FAT4: variants seen among roughly 807,000 people sequenced by gnomAD.
FAT4 encodes the protein FAT atypical cadherin 4, also known as protocadherin Fat 4.
In FAT4, 84 loss-of-function variants were observed where a neutral mutation model predicts 303.9. The observed-to-expected ratio is 0.28, with a 90% CI of 0.23 to 0.33. The LOEUF (loss-of-function observed/expected upper bound fraction) is 0.33. Among genes scored for constraint, FAT4 ranks in the 10% least tolerant of loss-of-function variants. The pLI is 1.00. For synonymous variants in FAT4, 2,307 were observed against 2,298.8 expected, an observed-to-expected ratio of 1.00 and a Z score of -0.10; for missense variants, 6,005 against 6,146.8, an observed-to-expected ratio of 0.98 and a Z score of 0.77.
At chr4:125,324,041 G>C (rs1284193418) in intron 2 of FAT4, among the ~76,000 whole-genome samples, 3 of 152,124 alleles carry the variant, frequency 2.0e-5, no homozygotes, top group Non-Finnish European at 4.4e-5. Context: ...GATGTGTCCA[G>C]TTATACACCT....
intron 3 of FAT4, among the ~76,000 whole-genome samples, chr4:125,400,146 A>G (rs564551629): frequency 1.3e-5 from 2 of 152,108 alleles, no homozygotes; most frequent in African/African-American, 4.8e-5. Flanking sequence ...CTCTAAGAAT[A>G]GAGCAAATAA....
At chr4:125,345,231 T>C (rs1055343161) in intron 2 of FAT4, among the ~76,000 whole-genome samples, 1 of 152,098 alleles carries the variant, frequency 6.6e-6, no homozygotes, top group Non-Finnish European at 1.5e-5. Flanking sequence ...TCCTCCAACT[T>C]AATCACTGCA....
chr4:125,424,015 T>C (rs1031531647), intron 7 of FAT4, among the ~76,000 whole-genome samples: 1 of 152,240 alleles, frequency 6.6e-6, no homozygotes, highest in Non-Finnish European at 1.5e-5. Context: ...TACAGGCTCA[T>C]AGGTGGAAGG....
intron 11 of FAT4, among the ~76,000 whole-genome samples, chr4:125,465,232 C>A (rs987845399): frequency 2.0e-5 from 3 of 152,060 alleles, no homozygotes; most frequent in Non-Finnish European, 4.4e-5. Context: ...TCACAGAACC[C>A]CTTTTTATAC....
Position 125,320,329 on chromosome 4 carries a change from A to T in FAT4, c.3918A>T (p.Leu1306Phe), listed in dbSNP as rs758711821. Reference protein sequence around the residue: ...NSTCTLNIDILDENDNTPSFP... With the variant: ...NSTCTLNIDIFDENDNTPSFP... ...CGTGTACTTTAAATATTGATATTTTAGATGAAAATGACAATACCCCTTCTT... is the reference window on the plus strand; with the variant it reads ...CGTGTACTTTAAATATTGATATTTTTGATGAAAATGACAATACCCCTTCTT... Residue 1306 changes from leucine to phenylalanine, a missense_variant, in exon 2 of 18, where the codon TTA (leucine) becomes TTT (phenylalanine). Physicochemically the swap from Leu to Phe is conservative, Grantham distance 22. Transcript: ENST00000394329. The T allele has an allele frequency of 1.2e-6, 2 of 1,612,558 alleles. No individual in the cohort carries two copies. The highest frequency in any genetic ancestry group is 1.7e-6 in the Non-Finnish European group (2 of 1,178,618).
intron 2 of FAT4, among the ~76,000 whole-genome samples, chr4:125,334,667 A>G (rs1731505362): frequency 6.6e-6 from 1 of 152,188 alleles, no homozygotes; most frequent in African/African-American, 2.4e-5. Context: ...TACCAAAACC[A>G]ATTGTGATTA....
At chr4:125,348,117 G>T (rs769135924) in intron 2 of FAT4, among the ~76,000 whole-genome samples, 1 of 151,668 alleles carries the variant, frequency 6.6e-6, no homozygotes. Flanking sequence ...TCTGAACCTC[G>T]ATTTCTTTAT....
At chr4:125,378,500 C>T (rs1455902089) in intron 2 of FAT4, among the ~76,000 whole-genome samples, 1 of 151,962 alleles carries the variant, frequency 6.6e-6, no homozygotes, top group African/African-American at 2.4e-5. Context: ...TAAGTATGGT[C>T]AAGAAGCATG....
chr4:125,447,036 T>C (rs1195025060), intron 9 of FAT4, among the ~76,000 whole-genome samples: 1 of 152,106 alleles, frequency 6.6e-6, no homozygotes, highest in Non-Finnish European at 1.5e-5. Flanking sequence ...AAATGGATAA[T>C]TCTTGTTAAT....
At chr4:125,483,359 A>T (rs1727294401) in intron 16 of FAT4, among the ~76,000 whole-genome samples, 1 of 152,220 alleles carries the variant, frequency 6.6e-6, no homozygotes, top group Non-Finnish European at 1.5e-5. Context: ...AGGCTTTGAC[A>T]TTGAGGTCTG....
rs749313432 is a variant in FAT4, at chr4:125,408,447, C to G, written c.5573C>G (p.Ser1858Cys). ...TATTAATTTATTCTTTTGATAGGTT[C>G]TTTGGTAGCAGCCATTTTAGCCACG... Reference protein sequence around the residue: ...FDIPEDTIPGSLVAAILATDD... With the variant: ...FDIPEDTIPGCLVAAILATDD... The change falls in exon 5 of 18, where the codon TCT becomes TGT. Residue 1858 changes from serine to cysteine, a missense_variant. By Grantham distance (112) the Ser-to-Cys change is moderately radical. Coordinates refer to ENST00000394329, the MANE Select transcript of FAT4 (RefSeq NM_001291303.3). 1.3e-6 allele frequency: 2 copies of G among 1,584,542 alleles called. No individual in the cohort carries two copies. Among genetic ancestry groups the G allele is most frequent in the Admixed American group, 1.8e-5 (1 of 56,254 alleles).
intron 5 of FAT4, among the ~76,000 whole-genome samples, 156 bp from the exon 6 acceptor site, chr4:125,414,728 C>G (rs1384547619): frequency 2.0e-5 from 3 of 152,102 alleles, no homozygotes; most frequent in Non-Finnish European, 4.4e-5. Context: ...TAGTAAATAG[C>G]AAGCAGTATA....
At chr4:125,410,942 C>T (rs1312042577) in intron 5 of FAT4, among the ~76,000 whole-genome samples, 1 of 152,012 alleles carries the variant, frequency 6.6e-6, no homozygotes, top group Non-Finnish European at 1.5e-5. Flanking sequence ...AAATATATGA[C>T]ACAATTCCTA....
intron 10 of FAT4, among the ~76,000 whole-genome samples, 154 bp from the exon 11 acceptor site, chr4:125,463,409 T>C (rs1381085321): frequency 1.3e-5 from 2 of 152,066 alleles, no homozygotes. Flanking sequence ...AATTCTAAGA[T>C]ATTATTCTAA....
At chr4:125,458,935 A>G (rs1047768172) in intron 10 of FAT4, among the ~76,000 whole-genome samples, 3 of 152,148 alleles carry the variant, frequency 2.0e-5, no homozygotes, top group East Asian at 3.9e-4. Context: ...ACATTTGCAT[A>G]CTGTGCAAAA....
intron 17 of FAT4, among the ~76,000 whole-genome samples, chr4:125,488,113 G>T (rs1163816913): frequency 6.6e-6 from 1 of 152,222 alleles, no homozygotes; most frequent in East Asian, 1.9e-4. Flanking sequence ...TTTTGCTGTG[G>T]AATTGACATG....
At chr4:125,447,721 C>A (rs1013555634) in intron 9 of FAT4, among the ~76,000 whole-genome samples, 1 of 152,018 alleles carries the variant, frequency 6.6e-6, no homozygotes, top group African/African-American at 2.4e-5. Context: ...GTCCTTATGG[C>A]AGCTTTTCTG....
chr4:125,365,356 T>C (rs1509285), intron 2 of FAT4, among the ~76,000 whole-genome samples: 27,582 of 152,074 alleles, frequency 0.18, 3,153 homozygotes, highest in African/African-American at 0.33. Flanking sequence ...GGATATGTTG[T>C]CCAAAAGAAT....
chr4:125,319,471 T>G lies in FAT4; in HGVS notation c.3060T>G (p.Ala1020=). The G allele has an allele frequency of 6.2e-7, 1 of 1,613,858 alleles. No homozygotes were observed. Among genetic ancestry groups the G allele is most frequent in the South Asian group, 1.1e-5 (1 of 91,078 alleles). The change falls in exon 2 of 18, where the codon GCT becomes GCG. Residue 1020 remains alanine, a synonymous_variant. Coordinates refer to ENST00000394329, the MANE Select transcript of FAT4 (RefSeq NM_001291303.3). Reference sequence around the variant, plus strand: ...ATTCTCGATTCTTTAAAGTACAAGCTTCTGATAAGGATTCAGGAGCAAATG... The same window carrying G: ...ATTCTCGATTCTTTAAAGTACAAGCGTCTGATAAGGATTCAGGAGCAAATG... ...PVNSRFFKVQ[A]SDKDSGANGE...
Sources: allele counts gnomAD v4.1 joint callset (sites outside exome capture counted in the v4.1 genomes callset), GRCh38; gene constraint gnomAD v4.1.1; transcripts MANE v1.5; gene names NCBI Gene and HGNC (gene_info 2026-07-23, HGNC 2026-07-21).